ARHGEF3: variants seen among roughly 807,000 people sequenced by gnomAD.
The protein encoded by ARHGEF3 is Rho guanine nucleotide exchange factor 3.
Under a neutral mutation model 63.2 loss-of-function variants are expected in ARHGEF3, and 28 were observed. The observed-to-expected ratio is 0.44, with a 90% CI of 0.33 to 0.61. The LOEUF is 0.61. Among genes scored for constraint, ARHGEF3 ranks in the 20% least tolerant of loss-of-function variants. The pLI is 0.03. For missense variants in ARHGEF3, 533 were observed against 659.3 expected (o/e 0.81, Z 2.10); for synonymous variants, 266 against 254.2 (o/e 1.05, Z -0.44).
intron 1 of ARHGEF3, among the ~76,000 whole-genome samples, chr3:57,036,535 T>A (rs1437415915): frequency 6.6e-6 from 1 of 152,176 alleles, no homozygotes; most frequent in Admixed American, 6.5e-5. Flanking sequence ...CCTTCTTCAG[T>A]CTCAGGCATT....
chr3:57,067,454 AAATAATAAT>A (rs10528636), intron 1 of ARHGEF3, among the ~76,000 whole-genome samples: 64 of 140,450 alleles, frequency 4.6e-4, no homozygotes, highest in Non-Finnish European at 5.8e-4. Flanking sequence ...CTCTGTCTCA[AAATAATAAT>A]AATAATAATA....
chr3:56,879,966 TCACATTCCCTCCATGGC>T (rs971136110), intron 4 of ARHGEF3, among the ~76,000 whole-genome samples: 19 of 152,230 alleles, frequency 1.2e-4, no homozygotes, highest in Non-Finnish European at 2.5e-4. Flanking sequence ...TTAAATTTAG[TCACATTCCCTCCATGGC>T]CACATCTAGA....
intron 3 of ARHGEF3, among the ~76,000 whole-genome samples, chr3:56,925,798 A>G (rs1448395074): frequency 6.6e-6 from 1 of 152,148 alleles, no homozygotes; most frequent in Non-Finnish European, 1.5e-5. Flanking sequence ...CTGAATACAC[A>G]CTGGCCACAG....
In ARHGEF3 at chr3:57,056,384, C is replaced by CAAAAAA. The variant is rs10666149; in HGVS notation, c.-27-21214_-27-21209dup. 2.6e-4 allele frequency among the ~76,000 whole-genome samples: 28 copies of CAAAAAA among 108,078 alleles called. 1 individual carries two copies. The highest frequency in any genetic ancestry group is 3.0e-4 in the Non-Finnish European group (17 of 56,036). 70.9% of individuals were successfully genotyped at this position (108,078 alleles called of 152,430 possible). A position where few individuals can be genotyped will look rare whatever the true frequency, so the allele number is the denominator to read the frequency against. The stretch of plus-strand genomic sequence containing the variant: ...CCTGGGCGACAGAGCAAGACTCCAT[C>CAAAAAA]AAAAAAAAAAAAAAAAAAAGAAGCA... On this transcript the variant is annotated intron_variant, in intron 1 of 12. Transcript: ENST00000338458.
chr3:56,964,850 TA>T (rs1700424574), intron 2 of ARHGEF3, among the ~76,000 whole-genome samples: 1 of 151,766 alleles, frequency 6.6e-6, no homozygotes, highest in South Asian at 2.1e-4. Flanking sequence ...AAAACCATGC[TA>T]AAAAGGCAGA....
chr3:57,070,316 G>C (rs1459561480), intron 1 of ARHGEF3, among the ~76,000 whole-genome samples: 3 of 146,440 alleles, frequency 2.0e-5, no homozygotes, highest in Non-Finnish European at 4.4e-5. Flanking sequence ...ACAAATTCAG[G>C]AGTTAAATGT....
At position 56,866,731 on chromosome 3, in the gene ARHGEF3, A is replaced by C. The variant is rs118004469; in HGVS notation, c.192+15561T>G. ...AATGTATGTTGATTGATAACTCCTT[A>C]CAAGCATCTTTCATTCTGTAACCAC... On this transcript the variant is annotated intron_variant, in intron 4 of 12. Coordinates refer to the ARHGEF3 transcript ENST00000338458. Among the ~76,000 whole-genome samples, 302 of 152,372 alleles carry C rather than the reference A, an allele frequency of 2.0e-3. 9 individuals are homozygous for C. In the South Asian group the frequency reaches 0.025, roughly 13 times the overall value.
chr3:56,947,681 A>G (rs1699583632), intron 3 of ARHGEF3, among the ~76,000 whole-genome samples: 1 of 152,188 alleles, frequency 6.6e-6, no homozygotes, highest in Non-Finnish European at 1.5e-5. Context: ...TAATAATGGG[A>G]GACTTTAACA....
chr3:56,870,095 G>A (rs2108220280), intron 4 of ARHGEF3, among the ~76,000 whole-genome samples: 2 of 152,206 alleles, frequency 1.3e-5, no homozygotes, highest in South Asian at 4.1e-4. Context: ...TGTAGAGATA[G>A]TCATTGTTTG....
At chr3:56,981,278 T>C (rs1701317450) in intron 2 of ARHGEF3, among the ~76,000 whole-genome samples, 1 of 152,220 alleles carries the variant, frequency 6.6e-6, no homozygotes, top group African/African-American at 2.4e-5. Flanking sequence ...TACTCATAAG[T>C]TTGCACTGGA....
chr3:57,034,590 G>T (rs775880267), intron 2 of ARHGEF3, among the ~76,000 whole-genome samples: 1 of 150,260 alleles, frequency 6.7e-6, no homozygotes, highest in African/African-American at 2.4e-5. Flanking sequence ...AGACGTGAAA[G>T]AAACATCTCT....
At chr3:56,869,513 G>C (rs892769452) in intron 4 of ARHGEF3, among the ~76,000 whole-genome samples, 8 of 152,208 alleles carry the variant, frequency 5.3e-5, no homozygotes, top group African/African-American at 1.9e-4. Flanking sequence ...AAGAATTTCA[G>C]TGTCCGTCAA....
At chr3:56,875,766 A>G (rs1482137897) in intron 4 of ARHGEF3, among the ~76,000 whole-genome samples, 4 of 152,188 alleles carry the variant, frequency 2.6e-5, no homozygotes, top group Non-Finnish European at 4.4e-5. Context: ...CCTTCATTCA[A>G]TGTTTATTCA....
At chr3:56,978,147 T>C (rs1219006771) in intron 2 of ARHGEF3, among the ~76,000 whole-genome samples, 1 of 149,840 alleles carries the variant, frequency 6.7e-6, no homozygotes, top group African/African-American at 2.4e-5. Flanking sequence ...GATAAATTTA[T>C]CAAAATAAGC....
chr3:56,989,903 C>T (rs905006971), intron 2 of ARHGEF3, among the ~76,000 whole-genome samples: 4 of 152,192 alleles, frequency 2.6e-5, no homozygotes, highest in African/African-American at 9.7e-5. Flanking sequence ...TAATGGGAGC[C>T]GCTATTTACC....
chr3:56,798,248 T>C (rs2037466470), intron 1 of ARHGEF3, among the ~76,000 whole-genome samples: 1 of 152,250 alleles, frequency 6.6e-6, no homozygotes, highest in African/African-American at 2.4e-5. Context: ...GCCTATGGTC[T>C]ATGGCACTAC....
chr3:56,984,401 G>C (rs985725030), intron 2 of ARHGEF3, among the ~76,000 whole-genome samples: 1 of 152,134 alleles, frequency 6.6e-6, no homozygotes, highest in Non-Finnish European at 1.5e-5. Context: ...TTGGTAAGTG[G>C]ACAAGCACAT....
chr3:56,853,472 GA>G (rs2039747529), intron 4 of ARHGEF3, among the ~76,000 whole-genome samples: 5 of 152,138 alleles, frequency 3.3e-5, no homozygotes, highest in Admixed American at 2.6e-4. Flanking sequence ...AAGTAGCTGG[GA>G]TTACAGGCAT....
At chr3:57,040,847 C>G (rs1236963366) in intron 1 of ARHGEF3, among the ~76,000 whole-genome samples, 2 of 152,096 alleles carry the variant, frequency 1.3e-5, no homozygotes, top group African/African-American at 4.8e-5. Flanking sequence ...GCCCACCAGA[C>G]TGACCTGGAA....
Sources: gnomAD v4.1 joint callset for allele counts (sites outside exome capture counted in the v4.1 genomes callset) on GRCh38, gnomAD v4.1.1 for gene constraint, MANE v1.5 for transcripts, NCBI Gene and HGNC (gene_info 2026-07-23, HGNC 2026-07-21) for gene names.